The following APP variants were observed in gnomAD, a reference collection of about 807,000 sequenced individuals.
APP encodes amyloid-beta precursor protein.
A neutral mutation model predicts 101.4 loss-of-function variants in APP; 31 were observed. The observed-to-expected ratio is 0.31, with a 90% CI of 0.23 to 0.41. APP has a LOEUF of 0.41. APP is among the 10% of genes least tolerant of loss of function. APP has a pLI of 1.00. For synonymous variants in APP, 366 were observed against 364.4 expected, an observed-to-expected ratio of 1.00 and a Z score of -0.05; for missense variants, 839 against 1,003.7, an observed-to-expected ratio of 0.84 and a Z score of 2.22.
intron 6 of APP, among the ~76,000 whole-genome samples, chr21:26,001,414 A>T (rs2043288532): frequency 6.6e-6 from 1 of 152,230 alleles, no homozygotes; most frequent in Non-Finnish European, 1.5e-5. Flanking sequence ...GCACACACAG[A>T]TGTCTTCTTA....
chr21:25,914,313 C>G (rs1569048102), intron 13 of APP, among the ~76,000 whole-genome samples: 1 of 151,962 alleles, frequency 6.6e-6, no homozygotes. Flanking sequence ...AGTCTCCTCA[C>G]TGCTTGCTAT....
At chr21:26,053,021 CA>C (rs939289862) in intron 4 of APP, among the ~76,000 whole-genome samples, 1 of 151,994 alleles carries the variant, frequency 6.6e-6, no homozygotes, top group Non-Finnish European at 1.5e-5. Context: ...TGTGTGGGGA[CA>C]GGGGGTACAC....
Position 26,170,613 on chromosome 21 carries a change from G to A in APP, c.8C>T (p.Pro3Leu). 1 of 1,536,884 alleles carries A rather than the reference G, an allele frequency of 6.5e-7. No individual in the cohort carries two copies. The highest frequency in any genetic ancestry group is 1.2e-5 in the South Asian group (1 of 83,646). Residue 3 changes from proline (P) to leucine (L), a missense_variant, in exon 1 of 18, where the codon CCC (proline) becomes CTC (leucine). Coordinates refer to ENST00000346798, the MANE Select transcript of APP (RefSeq NM_000484.4). ...GGCCAGCAGGAGCAGTGCCAAACCG[G>A]GCAGCATCGCGACCCTGCGCGGGGC... is the stretch of plus-strand genomic sequence containing the variant. ML[P>L]GLALLLLAAW... is the part of the protein sequence containing the mutation.
Position 26,021,979 on chromosome 21 carries a change from G to A in APP, c.726C>T (p.Ala242=), listed in dbSNP as rs200270161. The A allele has an allele frequency of 1.9e-6, 3 of 1,613,756 alleles. No homozygotes were observed. Among genetic ancestry groups the A allele is most frequent in the South Asian group, 1.1e-5 (1 of 91,072 alleles). Residue 242 remains alanine (A), a synonymous_variant, in exon 6 of 18, where the codon GCC becomes GCT. Coordinates refer to ENST00000346798, the MANE Select transcript of APP (RefSeq NM_000484.4). ...EEVAEVEEEE[A]DDDEDDEDGD... ...CATCCTCATCGTCCTCGTCATCATC[G>A]GCTTCTTCTTCTTCCACCTCAGCCA...
At chr21:25,983,144 C>CTAA (rs906976655) in intron 8 of APP, among the ~76,000 whole-genome samples, 4 of 152,184 alleles carry the variant, frequency 2.6e-5, no homozygotes, top group African/African-American at 7.2e-5. Context: ...TTGAATTCAA[C>CTAA]TAATACTGCT....
intron 6 of APP, among the ~76,000 whole-genome samples, chr21:26,021,305 C>T (rs1395870234): frequency 6.6e-6 from 1 of 152,140 alleles, no homozygotes; most frequent in Non-Finnish European, 1.5e-5. Flanking sequence ...GCCTCGGCCT[C>T]CCAAAGTGCT....
chr21:26,043,649 T>C (rs887574284), intron 5 of APP, among the ~76,000 whole-genome samples: 4 of 152,380 alleles, frequency 2.6e-5, no homozygotes, highest in East Asian at 1.9e-4. Context: ...CAAATACTTG[T>C]TGAGCACCTA....
intron 3 of APP, among the ~76,000 whole-genome samples, chr21:26,066,557 G>A (rs1433106040): frequency 1.6e-5 from 2 of 121,874 alleles, no homozygotes; most frequent in Non-Finnish European, 3.3e-5. Flanking sequence ...CCATCTTTTT[G>A]AATTTGACTC....
Position 26,047,721 on chromosome 21 carries a change from TAA to T in APP, c.662+3277_662+3278del, listed in dbSNP as rs533115069. Among the ~76,000 whole-genome samples, 411 of 152,042 alleles carry T rather than the reference TAA, an allele frequency of 2.7e-3. 4 individuals carry two copies. The highest frequency in any genetic ancestry group is 9.5e-3 in the African/African-American group (393 of 41,490). ...CAAACCGTCTGTCTTAATGGAAAAA[TAA>T]AGAGTGATAAGAAATTTCAAGTCAT... On this transcript the variant is annotated intron_variant, in intron 5 of 17. Transcript: ENST00000346798.
At chr21:26,159,180 C>A (rs1189740884) in intron 1 of APP, among the ~76,000 whole-genome samples, 1 of 151,978 alleles carries the variant, frequency 6.6e-6, no homozygotes, top group African/African-American at 2.4e-5. Flanking sequence ...CCCAGGTTCA[C>A]ACCATTCTCC....
chr21:26,058,151 TTTA>T (rs1359554147), intron 3 of APP, among the ~76,000 whole-genome samples: 1 of 152,216 alleles, frequency 6.6e-6, no homozygotes, highest in Non-Finnish European at 1.5e-5. Context: ...ATCCTCGTGT[TTTA>T]TGGTCACAGA....
intron 1 of APP, among the ~76,000 whole-genome samples, chr21:26,125,643 A>G (rs1455486936): frequency 2.0e-5 from 3 of 151,908 alleles, no homozygotes; most frequent in African/African-American, 7.3e-5. Context: ...ATTAGAGTGC[A>G]CCAGGCTACA....
chr21:25,935,053 G>C (rs2040305386), intron 13 of APP: 1 of 152,154 alleles, frequency 6.6e-6, no homozygotes, highest in Admixed American at 6.5e-5. Flanking sequence ...ACAGAGGTTA[G>C]GTCATTTCCT....
intron 5 of APP, 67 bp from the exon 6 acceptor site, chr21:26,022,109 T>A (rs1189177579): frequency 2.5e-6 from 4 of 1,571,930 alleles, no homozygotes; most frequent in Admixed American, 3.3e-5. Context: ...AAAAGAAAAG[T>A]CGTCCATATG....
rs2046187328 is a variant in APP, at chr21:26,059,661, C to T, written c.356-6313G>A. ...ATCCCAGCACTTTGGGAGGCCGAGA[C>T]GGGTGGATCACAAGGTCAGGAGTTC... On this transcript the variant is annotated intron_variant, in intron 3 of 17. Transcript: ENST00000346798. 1.3e-5 allele frequency among the ~76,000 whole-genome samples: 2 copies of T among 152,014 alleles called. 1 individual carries two copies. The highest frequency in any genetic ancestry group is 4.2e-4 in the South Asian group (2 of 4,818).
intron 3 of APP, among the ~76,000 whole-genome samples, chr21:26,070,361 A>C (rs1248329499): frequency 6.6e-6 from 1 of 152,206 alleles, no homozygotes; most frequent in African/African-American, 2.4e-5. Context: ...GAGAGCTGAA[A>C]TAATTGAATT....
In APP at chr21:26,051,215, C is replaced by G. The variant is rs1313507739; in HGVS notation, c.469-22G>C. 3.1e-6 allele frequency: 5 copies of G among 1,600,834 alleles called. No individual in the cohort carries two copies. The East Asian group carries it at 1.1e-4, about 36-fold the overall frequency. On this transcript the variant is annotated intron_variant, in intron 4 of 17. Transcript: ENST00000346798. ...ATGTCTACAAAGTGTAAGGAGAAAA[C>G]AGTGAGTGGTAGAGTAGATGTGTTT...
rs149942292 is a variant in APP at position 25,896,418 on chromosome 21, T to TCACA, written c.2064+1151_2064+1154dup. 3.4e-3 allele frequency among the ~76,000 whole-genome samples: 502 copies of TCACA among 149,454 alleles called. 2 individuals carry two copies. Among genetic ancestry groups the TCACA allele is most frequent in the Middle Eastern group, 6.8e-3 (2 of 292 alleles). On this transcript the variant is annotated intron_variant, in intron 16 of 17. Transcript: ENST00000346798. Reference sequence around the variant, plus strand: ...TTTTCTGCTTGGAAAAAAGTAACACTCACACACACACACACACAAAACAAA... The same window carrying TCACA: ...TTTTCTGCTTGGAAAAAAGTAACACTCACACACACACACACACACACAAAACAAA...
intron 9 of APP, among the ~76,000 whole-genome samples, chr21:25,977,864 C>T (rs2042280787): frequency 6.6e-6 from 1 of 152,160 alleles, no homozygotes; most frequent in African/African-American, 2.4e-5. Flanking sequence ...AATGGAAGAC[C>T]ATCTTTGCTT....
Sources: allele counts gnomAD v4.1 joint callset (sites outside exome capture counted in the v4.1 genomes callset), GRCh38; gene constraint gnomAD v4.1.1; transcripts MANE v1.5; gene names NCBI Gene and HGNC (gene_info 2026-07-23, HGNC 2026-07-21).